The following IL1RAPL1 variants were observed in gnomAD, a reference collection of about 807,000 sequenced individuals.
The protein encoded by IL1RAPL1 is interleukin 1 receptor accessory protein like 1, also known as interleukin-1 receptor accessory protein-like 1.
IL1RAPL1 carries 3 observed loss-of-function variants against 48.4 expected under a neutral mutation model. The observed-to-expected ratio is 0.06, with a 90% CI of 0.03 to 0.16. IL1RAPL1 has a LOEUF of 0.16. IL1RAPL1 is among the 10% of genes least tolerant of loss of function. IL1RAPL1 has a pLI of 1.00. For missense variants in IL1RAPL1, 349 were observed against 530.6 expected (o/e 0.66, Z 3.36); for synonymous variants, 185 against 187.7 (o/e 0.99, Z 0.12).
chrX:29,674,501 G>A (rs777180337), intron 6 of IL1RAPL1, among the ~76,000 whole-genome samples: 4 of 111,987 alleles, frequency 3.6e-5, no homozygotes, highest in East Asian at 5.6e-4. Flanking sequence ...AAAGATGGAC[G>A]TGAAGGTAAG....
rs1463859350 is a variant in IL1RAPL1 at position 29,151,552 on chromosome X, G to C, written c.83-131386G>C. Among the ~76,000 whole-genome samples the C allele has an allele frequency of 3.6e-5, 4 of 111,493 alleles. No homozygotes were observed. In the East Asian group the frequency reaches 1.1e-3, roughly 31 times the overall value. ...AAACACAACAGTCTGGGAATGAAGT[G>C]AGATGGGAAAAGGAAGCTGACCAAT... On this transcript the variant is annotated intron_variant, in intron 2 of 10. Coordinates refer to ENST00000378993, the MANE Select transcript of IL1RAPL1 (RefSeq NM_014271.4).
At chrX:29,575,105 C>T (rs1424592289) in intron 5 of IL1RAPL1, among the ~76,000 whole-genome samples, 1 of 111,816 alleles carries the variant, frequency 8.9e-6, no homozygotes, top group African/African-American at 3.3e-5. Context: ...CCAACTGTTC[C>T]ACCCTCTGTC....
chrX:29,748,608 G>A (rs1034636001), intron 6 of IL1RAPL1, among the ~76,000 whole-genome samples: 3 of 113,034 alleles, frequency 2.7e-5, no homozygotes, highest in Non-Finnish European at 5.6e-5. Flanking sequence ...GGGCTAGTTG[G>A]CAGTGGAGCT....
chrX:29,353,095 C>CAAA (rs1039950636), intron 3 of IL1RAPL1, among the ~76,000 whole-genome samples: 1 of 111,722 alleles, frequency 9.0e-6, no homozygotes, highest in African/African-American at 3.2e-5. Context: ...AGGAAATTTA[C>CAAA]AAAAAATAAT....
intron 6 of IL1RAPL1, among the ~76,000 whole-genome samples, chrX:29,907,862 T>C (rs1331138885): frequency 9.0e-6 from 1 of 111,632 alleles, no homozygotes; most frequent in African/African-American, 3.3e-5. Flanking sequence ...TGTTTATTGC[T>C]AGTATAAATA....
chrX:29,298,953 A>C (rs760288756), intron 3 of IL1RAPL1, among the ~76,000 whole-genome samples: 35 of 110,702 alleles, frequency 3.2e-4, no homozygotes, highest in African/African-American at 1.1e-3. Flanking sequence ...GTGTTGCCAA[A>C]GGAGATTAAC....
intron 8 of IL1RAPL1, among the ~76,000 whole-genome samples, chrX:29,938,991 T>G (rs1306141070): frequency 8.9e-6 from 1 of 112,521 alleles, no homozygotes; most frequent in Non-Finnish European, 1.9e-5. Context: ...TAATGGACAT[T>G]TAAGTTGTCT....
intron 6 of IL1RAPL1, among the ~76,000 whole-genome samples, chrX:29,734,026 C>T (rs1459444610): frequency 4.4e-5 from 5 of 112,658 alleles, no homozygotes; most frequent in Admixed American, 9.4e-5. Context: ...GAAACAGATG[C>T]GACCACTGGA....
intron 6 of IL1RAPL1, among the ~76,000 whole-genome samples, chrX:29,907,342 A>C (rs1362781661): frequency 9.2e-6 from 1 of 109,158 alleles, no homozygotes; most frequent in Non-Finnish European, 1.9e-5. Context: ...AAATCTTTTA[A>C]TCTTGCACTT....
chrX:29,141,952 A>G (rs994877551), intron 2 of IL1RAPL1, among the ~76,000 whole-genome samples: 4 of 94,411 alleles, frequency 4.2e-5, no homozygotes, highest in African/African-American at 1.9e-4. Context: ...AAGGGAGAAT[A>G]TTGTAGTAAT....
intron 2 of IL1RAPL1, among the ~76,000 whole-genome samples, chrX:29,130,655 A>G (rs1437807782): frequency 8.9e-6 from 1 of 111,887 alleles, no homozygotes; most frequent in Non-Finnish European, 1.9e-5. Flanking sequence ...CTCTTGGACT[A>G]AGATACAAAA....
chrX:28,665,398 A>G (rs1438938882), intron 1 of IL1RAPL1, among the ~76,000 whole-genome samples: 1 of 112,427 alleles, frequency 8.9e-6, no homozygotes, highest in Non-Finnish European at 1.9e-5. Flanking sequence ...ATATTAAAAT[A>G]AAATTACTCC....
chrX:29,274,184 G>A (rs1005886809), intron 2 of IL1RAPL1, among the ~76,000 whole-genome samples: 1 of 111,720 alleles, frequency 9.0e-6, no homozygotes, highest in Non-Finnish European at 1.9e-5. Flanking sequence ...GAAAGGTCCT[G>A]AAGGAGGTAC....
chrX:29,459,331 G>A (rs1231533061), intron 5 of IL1RAPL1, among the ~76,000 whole-genome samples: 2 of 111,838 alleles, frequency 1.8e-5, no homozygotes, highest in African/African-American at 6.5e-5. Flanking sequence ...AGTTAGGAAT[G>A]TAGATTTGTT....
chrX:29,874,322 A>C, intron 6 of IL1RAPL1, among the ~76,000 whole-genome samples: 1 of 112,243 alleles, frequency 8.9e-6, no homozygotes, highest in East Asian at 2.8e-4. Flanking sequence ...TATGGAAAAA[A>C]AATGCTCTAA....
At chrX:29,728,890 C>T (rs1393052684) in intron 6 of IL1RAPL1, among the ~76,000 whole-genome samples, 1 of 111,380 alleles carries the variant, frequency 9.0e-6, no homozygotes, top group Non-Finnish European at 1.9e-5. Flanking sequence ...AGCTGGAATA[C>T]CTTGAGGCTG....
At chrX:29,452,949 G>A (rs766163073) in intron 5 of IL1RAPL1, among the ~76,000 whole-genome samples, 21 of 84,653 alleles carry the variant, frequency 2.5e-4, no homozygotes, top group African/African-American at 9.9e-4. Flanking sequence ...TTTTGAGACG[G>A]AGTCTTGCTC....
intron 3 of IL1RAPL1, among the ~76,000 whole-genome samples, chrX:29,373,056 G>A (rs1171621450): frequency 9.0e-6 from 1 of 110,998 alleles, no homozygotes; most frequent in African/African-American, 3.3e-5. Context: ...CAATCCATTA[G>A]CATGGAATGT....
intron 5 of IL1RAPL1, among the ~76,000 whole-genome samples, chrX:29,437,760 G>A (rs191325362): frequency 7.3e-5 from 8 of 110,222 alleles, no homozygotes; most frequent in Admixed American, 9.7e-5. Context: ...TCCATCCTAA[G>A]AATAAACTCC....
Sources: gnomAD v4.1 joint callset for allele counts (sites outside exome capture counted in the v4.1 genomes callset) on GRCh38, gnomAD v4.1.1 for gene constraint, MANE v1.5 for transcripts, NCBI Gene and HGNC (gene_info 2026-07-23, HGNC 2026-07-21) for gene names.